IQCJ: variants seen among roughly 807,000 people sequenced by gnomAD.
IQCJ encodes the protein IQ motif containing J, also known as IQ domain-containing protein J.
Under a neutral mutation model 11.0 loss-of-function variants are expected in IQCJ, and 9 were observed. The ratio of observed to expected loss-of-function variants is 0.82; its 90% CI spans 0.49 to 1.43. IQCJ has a LOEUF of 1.43. Among genes scored for constraint, IQCJ ranks in the 40% most tolerant of loss-of-function variants. The pLI is 0.00. For synonymous variants in IQCJ, 55 were observed against 51.3 expected, an observed-to-expected ratio of 1.07 and a Z score of -0.31; for missense variants, 146 against 133.2, an observed-to-expected ratio of 1.10 and a Z score of -0.47.
intron 1 of IQCJ, among the ~76,000 whole-genome samples, chr3:159,168,377 G>T (rs182727824): frequency 2.6e-5 from 4 of 152,076 alleles, no homozygotes; most frequent in African/African-American, 9.7e-5. Flanking sequence ...TGTAAATCTC[G>T]TGACTTGAAA....
intron 1 of IQCJ, among the ~76,000 whole-genome samples, chr3:159,228,934 C>T (rs1038689596): frequency 2.0e-5 from 3 of 152,196 alleles, no homozygotes; most frequent in Non-Finnish European, 4.4e-5. Context: ...TAATCTTCTG[C>T]ACAATCTACT....
chr3:159,094,458 A>C (rs1414617297), intron 1 of IQCJ, among the ~76,000 whole-genome samples: 1 of 89,590 alleles, frequency 1.1e-5, no homozygotes, highest in Non-Finnish European at 2.1e-5. Context: ...TACTATTGGA[A>C]GTTTTAAATA....
chr3:159,197,838 T>C (rs919674111), intron 1 of IQCJ, among the ~76,000 whole-genome samples: 3 of 152,088 alleles, frequency 2.0e-5, no homozygotes, highest in Admixed American at 1.3e-4. Context: ...CCTGTTTTTT[T>C]TTTTAATCAG....
At chr3:159,197,816 T>C (rs1724076806) in intron 1 of IQCJ, among the ~76,000 whole-genome samples, 1 of 151,960 alleles carries the variant, frequency 6.6e-6, no homozygotes, top group South Asian at 2.1e-4. Context: ...GGACCCAATG[T>C]GGTCAGCTTT....
At chr3:159,149,017 A>C (rs1223324244) in intron 1 of IQCJ, among the ~76,000 whole-genome samples, 1 of 152,260 alleles carries the variant, frequency 6.6e-6, no homozygotes, top group African/African-American at 2.4e-5. Context: ...TGCAGCAAGC[A>C]GAAATATTTA....
At chr3:159,225,253 T>G (rs1226972926) in intron 1 of IQCJ, among the ~76,000 whole-genome samples, 1 of 152,094 alleles carries the variant, frequency 6.6e-6, no homozygotes, top group Non-Finnish European at 1.5e-5. Flanking sequence ...TGAATGGACC[T>G]CCACAAAATT....
chr3:159,260,643 T>C (rs538548559), intron 3 of IQCJ, among the ~76,000 whole-genome samples: 63 of 152,204 alleles, frequency 4.1e-4, no homozygotes, highest in Non-Finnish European at 7.5e-4. Flanking sequence ...GGCAATCTTA[T>C]GGGACTCCCT....
intron 1 of IQCJ, among the ~76,000 whole-genome samples, chr3:159,107,791 G>T (rs1718356288): frequency 6.6e-6 from 1 of 152,006 alleles, no homozygotes; most frequent in South Asian, 2.1e-4. Context: ...TCTAGTAAGT[G>T]GGGGACATGA....
intron 2 of IQCJ, among the ~76,000 whole-genome samples, chr3:159,251,960 T>C (rs1262515401): frequency 6.6e-6 from 1 of 152,240 alleles, no homozygotes; most frequent in Admixed American, 6.5e-5. Flanking sequence ...CAGTAACTAT[T>C]AGCTTTCTGC....
chr3:159,235,952 C>T (rs1224893694), intron 1 of IQCJ, among the ~76,000 whole-genome samples: 3 of 152,092 alleles, frequency 2.0e-5, no homozygotes, highest in Non-Finnish European at 4.4e-5. Flanking sequence ...GTAGTAAGGC[C>T]TAGGACTACC....
At chr3:159,125,824 C>A (rs1322082059) in intron 1 of IQCJ, among the ~76,000 whole-genome samples, 1 of 152,182 alleles carries the variant, frequency 6.6e-6, no homozygotes, top group Non-Finnish European at 1.5e-5. Context: ...GCCTTGACCC[C>A]TACAGGGGAC....
intron 1 of IQCJ, among the ~76,000 whole-genome samples, chr3:159,108,079 G>T (rs567130347): frequency 6.6e-6 from 1 of 151,808 alleles, no homozygotes; most frequent in Non-Finnish European, 1.5e-5. Context: ...TTAATATAGG[G>T]TTGGCAGAGA....
chr3:159,214,903 C>A (rs1725141400), intron 1 of IQCJ, among the ~76,000 whole-genome samples: 2 of 152,172 alleles, frequency 1.3e-5, no homozygotes, highest in Non-Finnish European at 2.9e-5. Context: ...AGCCACAGGG[C>A]ATATTGTTAC....
chr3:159,175,340 G>A (rs547600568), intron 1 of IQCJ, among the ~76,000 whole-genome samples: 7 of 152,120 alleles, frequency 4.6e-5, no homozygotes, highest in Non-Finnish European at 7.4e-5. Flanking sequence ...GTGTGGTGGC[G>A]CATGCTTGTA....
chr3:159,168,340 G>C (rs1235925394), intron 1 of IQCJ, among the ~76,000 whole-genome samples: 1 of 152,220 alleles, frequency 6.6e-6, no homozygotes, highest in African/African-American at 2.4e-5. Context: ...AACAGGCAGA[G>C]ACTGTCCTCC....
chr3:159,228,815 A>C (rs1415005909), intron 1 of IQCJ, among the ~76,000 whole-genome samples: 6 of 152,182 alleles, frequency 3.9e-5, no homozygotes, highest in African/African-American at 7.2e-5. Context: ...AAAAAAAAAA[A>C]AGTGATGGCC....
chr3:159,163,609 C>T, intron 1 of IQCJ, among the ~76,000 whole-genome samples: 1 of 152,146 alleles, frequency 6.6e-6, no homozygotes, highest in East Asian at 1.9e-4. Flanking sequence ...AGGTAAGCCT[C>T]CCACCTAGGC....
At chr3:159,143,468 G>T (rs1178388457) in intron 1 of IQCJ, among the ~76,000 whole-genome samples, 1 of 151,818 alleles carries the variant, frequency 6.6e-6, no homozygotes, top group Non-Finnish European at 1.5e-5. Flanking sequence ...TTTCTTCATG[G>T]TCACATACCA....
chr3:159,265,635 G>T, downstream of IQCJ: 2 of 407,766 alleles, frequency 4.9e-6, no homozygotes, highest in East Asian at 3.6e-5. Flanking sequence ...TCTTTCTCTG[G>T]GTTTAATCTA....
Sources: allele counts gnomAD v4.1 joint callset (sites outside exome capture counted in the v4.1 genomes callset), GRCh38; gene constraint gnomAD v4.1.1; transcripts MANE v1.5; gene names NCBI Gene and HGNC (gene_info 2026-07-23, HGNC 2026-07-21).